Variants in FRAS1 observed in about 807,000 individuals in gnomAD.
FRAS1 encodes extracellular matrix organizing protein FRAS1.
In FRAS1, 290 loss-of-function variants were observed where a neutral mutation model predicts 435.2. The ratio of observed to expected loss-of-function variants is 0.67; its 90% confidence interval spans 0.61 to 0.73. FRAS1 has a LOEUF of 0.73. Ranked by LOEUF, FRAS1 falls within the 30% of genes least tolerant of loss-of-function variation. The pLI is 0.00. For synonymous variants in FRAS1, 1,800 were observed against 1,851.0 expected (o/e 0.97, Z 0.71); for missense variants, 4,860 against 5,001.5 (o/e 0.97, Z 0.85).
At chr4:78,109,370 A>G (rs1465019639) in intron 2 of FRAS1, among the ~76,000 whole-genome samples, 2 of 143,508 alleles carry the variant, frequency 1.4e-5, no homozygotes, top group African/African-American at 2.6e-5. Context: ...GGCAAACCGA[A>G]TCCAGCAGCA....
chr4:78,124,607 C>G (rs1719234101), intron 2 of FRAS1, among the ~76,000 whole-genome samples: 1 of 151,806 alleles, frequency 6.6e-6, no homozygotes, highest in African/African-American at 2.4e-5. Context: ...TGGTCCTGGA[C>G]TTTTTTTTGG....
At chr4:78,286,370 T>C (rs73827930) in intron 13 of FRAS1, 35 bp from the exon 14 acceptor site, 4 of 1,611,742 alleles carry the variant, frequency 2.5e-6, no homozygotes, top group South Asian at 1.1e-5. Context: ...AATCAAATGG[T>C]TCCTTTCTCT....
At chr4:78,103,803 A>G (rs1259505925) in intron 2 of FRAS1, among the ~76,000 whole-genome samples, 1 of 152,244 alleles carries the variant, frequency 6.6e-6, no homozygotes, top group African/African-American at 2.4e-5. Context: ...TCCAGCCTCC[A>G]GAACTATGAG....
Position 78,178,607 on chromosome 4 carries a change from A to T in FRAS1, c.109-58903A>T, listed in dbSNP as rs370202855. Among the ~76,000 whole-genome samples, 17 of 152,276 alleles carry T rather than the reference A, an allele frequency of 1.1e-4. No homozygotes were observed. In the East Asian group the frequency reaches 1.4e-3, roughly 12 times the overall value. On this transcript the variant is annotated intron_variant, in intron 2 of 73. Coordinates refer to ENST00000512123, the MANE Select transcript of FRAS1 (RefSeq NM_025074.7). ...AGCAGCTGAGATCTTAATCCAATTG[A>T]TTTGCAAAATGACACTCACCAAGAA...
At chr4:78,422,202 G>A (rs1162610799) in intron 34 of FRAS1, among the ~76,000 whole-genome samples, 3 of 151,618 alleles carry the variant, frequency 2.0e-5, no homozygotes, top group Admixed American at 6.6e-5. Context: ...CATGCATTGA[G>A]GCATACTTTC....
chr4:78,132,416 A>G (rs1408673368), intron 2 of FRAS1, among the ~76,000 whole-genome samples: 1 of 152,244 alleles, frequency 6.6e-6, no homozygotes, highest in Non-Finnish European at 1.5e-5. Context: ...CCACATATTC[A>G]GAGCTTTCAG....
rs374612351 is a variant in FRAS1 at position 78,387,497 on chromosome 4, C to T, written c.3771C>T (p.Ile1257=). The T allele has an allele frequency of 3.0e-5, 49 of 1,613,552 alleles. No homozygotes were observed. The highest frequency in any genetic ancestry group is 2.0e-4 in the East Asian group (9 of 44,868). Residue 1257 remains isoleucine (I), a synonymous_variant, in exon 29 of 74, where the codon ATC becomes ATT. Coordinates refer to ENST00000512123, the MANE Select transcript of FRAS1 (RefSeq NM_025074.7). ...CACAGGATGTGGTCATTGAAATAATCGATCCTCCACTTCATGGCCAATTGC... is the reference window on the plus strand; with the variant it reads ...CACAGGATGTGGTCATTGAAATAATTGATCCTCCACTTCATGGCCAATTGC... ...DNPQDVVIEI[I]DPPLHGQLLQ...
chr4:78,337,857 C>A (rs1730238026), intron 20 of FRAS1, 40 bp downstream of exon 20: 7 of 1,610,904 alleles, frequency 4.3e-6, no homozygotes, highest in Non-Finnish European at 5.1e-6. Context: ...AATCACTGGG[C>A]AGCTGCCGGG....
chr4:78,077,505 G>A (rs1038741914), intron 2 of FRAS1, among the ~76,000 whole-genome samples: 1 of 151,990 alleles, frequency 6.6e-6, no homozygotes, highest in Non-Finnish European at 1.5e-5. Flanking sequence ...ATATTGCATA[G>A]TAGTGAAGTC....
intron 59 of FRAS1, 78 bp downstream of exon 59, chr4:78,489,158 A>G: frequency 7.3e-7 from 1 of 1,372,740 alleles, no homozygotes; most frequent in Non-Finnish European, 9.9e-7. Context: ...ATTTATATAA[A>G]TTCCAAAAAT....
intron 31 of FRAS1, among the ~76,000 whole-genome samples, chr4:78,410,428 A>T (rs1048948901): frequency 6.8e-6 from 1 of 147,280 alleles, no homozygotes; most frequent in African/African-American, 2.5e-5. Context: ...AATAAATAAA[A>T]AATAAAATAA....
At chr4:78,116,035 G>T (rs1400882611) in intron 2 of FRAS1, among the ~76,000 whole-genome samples, 1 of 152,096 alleles carries the variant, frequency 6.6e-6, no homozygotes, top group East Asian at 1.9e-4. Context: ...TTGTGTCTTT[G>T]TTCTCATTGG....
chr4:78,283,974 T>C (rs1727452296), intron 12 of FRAS1, among the ~76,000 whole-genome samples: 1 of 152,198 alleles, frequency 6.6e-6, no homozygotes, highest in South Asian at 2.1e-4. Flanking sequence ...TTTTCTTAGA[T>C]AAAAATAACT....
chr4:78,308,110 C>A lies in FRAS1; in HGVS notation c.1579C>A (p.His527Asn), dbSNP rs1475462238. 1 of 1,613,722 alleles carries A rather than the reference C, an allele frequency of 6.2e-7. No homozygotes were observed. Among genetic ancestry groups the A allele is most frequent in the Non-Finnish European group, 8.5e-7 (1 of 1,179,804 alleles). Residue 527 changes from histidine (H) to asparagine (N), a missense_variant, in exon 15 of 74, where the codon CAC (histidine) becomes AAC (asparagine). Coordinates refer to ENST00000512123, the MANE Select transcript of FRAS1 (RefSeq NM_025074.7). The stretch of plus-strand genomic sequence containing the variant: ...AGGTTGCTGGGGCCCAACGGAGAAG[C>A]ACTGCTTGGCCTGCAGAGATCCCCT... ...CAGCWGPTEK[H>N]CLACRDPLHV...
chr4:78,086,281 T>G (rs1741160896), intron 2 of FRAS1, among the ~76,000 whole-genome samples: 1 of 152,116 alleles, frequency 6.6e-6, no homozygotes, highest in Non-Finnish European at 1.5e-5. Context: ...AAGCAGTGTG[T>G]AGAGGGAAAT....
intron 2 of FRAS1, among the ~76,000 whole-genome samples, chr4:78,193,260 G>A (rs1418990286): frequency 6.6e-6 from 1 of 152,186 alleles, no homozygotes; most frequent in African/African-American, 2.4e-5. Context: ...GATTTGGGGT[G>A]GAGAGTTCTG....
At chr4:78,468,292 G>A (rs903994609) in intron 50 of FRAS1, among the ~76,000 whole-genome samples, 27 of 152,246 alleles carry the variant, frequency 1.8e-4, no homozygotes, top group African/African-American at 6.5e-4. Flanking sequence ...TTCTGCATGT[G>A]TATCCTAAAA....
At chr4:78,356,276 AC>A (rs1730852861) in intron 20 of FRAS1, among the ~76,000 whole-genome samples, 1 of 152,112 alleles carries the variant, frequency 6.6e-6, no homozygotes, top group Non-Finnish European at 1.5e-5. Flanking sequence ...AGGTGATGCA[AC>A]CCATATTGAC....
chr4:78,168,135 A>G (rs1053294555), intron 2 of FRAS1, among the ~76,000 whole-genome samples: 1 of 152,022 alleles, frequency 6.6e-6, no homozygotes, highest in African/African-American at 2.4e-5. Flanking sequence ...CTTACTTAGA[A>G]TGTGTAATAC....
Sources: gnomAD v4.1 joint callset for allele counts (sites outside exome capture counted in the v4.1 genomes callset) on GRCh38, gnomAD v4.1.1 for gene constraint, MANE v1.5 for transcripts, NCBI Gene and HGNC (gene_info 2026-07-23, HGNC 2026-07-21) for gene names.